Variants in MACROH2A2 observed in about 807,000 individuals in gnomAD.
MACROH2A2 encodes macroH2A.2 histone.
Under a neutral mutation model 37.6 loss-of-function variants are expected in MACROH2A2, and 6 were observed. The observed-to-expected ratio is 0.16, with a 90% CI of 0.09 to 0.32. MACROH2A2 has a LOEUF of 0.32. MACROH2A2 is among the 10% of genes least tolerant of loss of function. The probability of loss-of-function intolerance (pLI) is 1.00; values close to 1 mark genes in which losing one functional copy is unlikely to be tolerated. For missense variants in MACROH2A2, 290 were observed against 485.9 expected (o/e 0.60, Z 3.79); for synonymous variants, 192 against 202.7 (o/e 0.95, Z 0.45).
At chr10:70,105,162 G>A (rs1012781301) in intron 7 of MACROH2A2, among the ~76,000 whole-genome samples, 1 of 152,248 alleles carries the variant, frequency 6.6e-6, no homozygotes, top group African/African-American at 2.4e-5. Flanking sequence ...GCCAGTGACT[G>A]TGGCAGGAGC....
At position 70,075,389 on chromosome 10, in the gene MACROH2A2, G is replaced by T. The variant is rs1245742989; in HGVS notation, c.-59-211G>T. ...TTTCCTCTTGAGGTCAGGCTGCTTT[G>T]GTGGGGGAGGGATGTTTGTGGGTGG... On this transcript the variant is annotated intron_variant, in intron 1 of 8. Coordinates refer to ENST00000373255, the MANE Select transcript of MACROH2A2 (RefSeq NM_018649.3). The surrounding 1 kb of genome is among the most constrained non-coding windows in gnomAD (Gnocchi z 5.0). Among the ~76,000 whole-genome samples the T allele has an allele frequency of 6.6e-6, 1 of 152,182 alleles. No individual in the cohort carries two copies. The highest frequency in any genetic ancestry group is 1.5e-5 in the Non-Finnish European group (1 of 68,036).
intron 4 of MACROH2A2, among the ~76,000 whole-genome samples, chr10:70,093,441 G>A (rs377175880): frequency 3.3e-5 from 5 of 152,178 alleles, no homozygotes; most frequent in Non-Finnish European, 7.3e-5. Context: ...GCTTGTCGTC[G>A]TGAGCTGCAG....
chr10:70,103,174 T>G (rs890103284), intron 7 of MACROH2A2, among the ~76,000 whole-genome samples: 1 of 152,034 alleles, frequency 6.6e-6, no homozygotes, highest in African/African-American at 2.4e-5. Context: ...CAGGGCCACA[T>G]TGCCCACCGA....
chr10:70,082,218 G>A (rs1041182672), intron 2 of MACROH2A2, among the ~76,000 whole-genome samples: 21 of 152,184 alleles, frequency 1.4e-4, no homozygotes, highest in Admixed American at 8.5e-4. Flanking sequence ...TCGGGAGTTC[G>A]AGACCAGCCT....
At chr10:70,104,401 G>C (rs1431110589) in intron 7 of MACROH2A2, among the ~76,000 whole-genome samples, 1 of 151,616 alleles carries the variant, frequency 6.6e-6, no homozygotes, top group Non-Finnish European at 1.5e-5. Flanking sequence ...ATTTGGCCAG[G>C]CATGGTGGCT....
intron 1 of MACROH2A2, among the ~76,000 whole-genome samples, chr10:70,073,538 T>C (rs895109328): frequency 4.6e-5 from 7 of 152,182 alleles, no homozygotes; most frequent in African/African-American, 1.7e-4. Flanking sequence ...CAAAACGACA[T>C]ATGAAGTATA....
At chr10:70,076,285 A>T (rs1349507979) in intron 2 of MACROH2A2, among the ~76,000 whole-genome samples, 1 of 152,224 alleles carries the variant, frequency 6.6e-6, no homozygotes, top group African/African-American at 2.4e-5. Context: ...CATAAATAAC[A>T]TTTATCGCAT....
intron 2 of MACROH2A2, among the ~76,000 whole-genome samples, chr10:70,086,277 T>C (rs967502341): frequency 9.1e-5 from 13 of 142,380 alleles, no homozygotes; most frequent in Admixed American, 2.9e-4. Flanking sequence ...TGATGTATTA[T>C]CTTTTTCTCT....
chr10:70,058,459 A>G (rs577066377), intron 1 of MACROH2A2, among the ~76,000 whole-genome samples: 10 of 152,286 alleles, frequency 6.6e-5, no homozygotes, highest in Non-Finnish European at 1.2e-4. Flanking sequence ...GTTACAACAC[A>G]TGATCTGGCC....
At chr10:70,104,345 A>G (rs1054759432) in intron 7 of MACROH2A2, among the ~76,000 whole-genome samples, 11 of 151,790 alleles carry the variant, frequency 7.2e-5, no homozygotes, top group Non-Finnish European at 1.5e-4. Context: ...TGACCTTGGC[A>G]TCCAGTGGAC....
intron 1 of MACROH2A2, among the ~76,000 whole-genome samples, chr10:70,066,759 T>C (rs543681204): frequency 6.6e-6 from 1 of 152,220 alleles, no homozygotes. Flanking sequence ...TGCGGCACTT[T>C]CATGGTCATT....
chr10:70,091,059 G>T (rs2072242052), intron 3 of MACROH2A2, among the ~76,000 whole-genome samples: 1 of 152,230 alleles, frequency 6.6e-6, no homozygotes, highest in African/African-American at 2.4e-5. Flanking sequence ...GTGCAAGCTT[G>T]TGGAGACCAC....
At position 70,095,741 on chromosome 10, in the gene MACROH2A2, A is replaced by G; in HGVS notation, c.676A>G (p.Lys226Glu). 2 of 1,544,276 alleles carry G rather than the reference A, an allele frequency of 1.3e-6. No homozygotes were observed. Among genetic ancestry groups the G allele is most frequent in the Non-Finnish European group, 9.0e-7 (1 of 1,116,098 alleles). The change falls in exon 6 of 9, where the codon AAA (lysine) becomes GAA (glutamate). Residue 226 changes from lysine to glutamate, a missense_variant. Transcript: ENST00000373255. ...VHPTTAEIDLKEDIGKALEKA... is the reference protein window; with the variant it reads ...VHPTTAEIDLEEDIGKALEKA... The stretch of plus-strand genomic sequence containing the variant: ...CCCAACCACAGCCGAAATTGACCTC[A>G]AAGAAGATATAGGTAAGGTCCTGAG...
At position 70,102,174 on chromosome 10, in the gene MACROH2A2, G is replaced by A. The variant is rs184246265; in HGVS notation, c.778+1877G>A. Among the ~76,000 whole-genome samples the A allele has an allele frequency of 2.0e-3, 310 of 152,352 alleles. 3 individuals carry two copies. Among genetic ancestry groups the A allele is most frequent in the South Asian group, 8.1e-3 (39 of 4,830 alleles). On this transcript the variant is annotated intron_variant, in intron 7 of 8. Transcript: ENST00000373255. Reference sequence around the variant, plus strand: ...AGCCACGACCTCAGCGTAGGGGAGCGTGGGAGGACTGCAGTGAGGCTGTGA... The same window carrying A: ...AGCCACGACCTCAGCGTAGGGGAGCATGGGAGGACTGCAGTGAGGCTGTGA...
At chr10:70,071,987 T>C (rs1459501147) in intron 1 of MACROH2A2, among the ~76,000 whole-genome samples, 1 of 152,204 alleles carries the variant, frequency 6.6e-6, no homozygotes, top group Non-Finnish European at 1.5e-5. Context: ...AATATTTTCC[T>C]TAATAATAAA....
intron 1 of MACROH2A2, among the ~76,000 whole-genome samples, chr10:70,058,954 G>A (rs1159807192): frequency 6.6e-6 from 1 of 151,398 alleles, no homozygotes; most frequent in African/African-American, 2.4e-5. Flanking sequence ...CACCTCAGCT[G>A]TTCCATAGTA....
At chr10:70,096,320 A>G (rs573949943) in intron 6 of MACROH2A2, among the ~76,000 whole-genome samples, 2 of 152,314 alleles carry the variant, frequency 1.3e-5, no homozygotes, top group Admixed American at 6.5e-5. Context: ...TTATTGATCT[A>G]TTCTACCACT....
chr10:70,074,034 A>G (rs1202238034), intron 1 of MACROH2A2, among the ~76,000 whole-genome samples: 1 of 152,112 alleles, frequency 6.6e-6, no homozygotes. Context: ...AGAAAATGTC[A>G]TTTTCCTTTT....
At chr10:70,062,125 T>C in intron 1 of MACROH2A2, among the ~76,000 whole-genome samples, 1 of 152,200 alleles carries the variant, frequency 6.6e-6, no homozygotes, top group Non-Finnish European at 1.5e-5. Flanking sequence ...TCAAACTCTA[T>C]TAGGTGGGAA....
Sources: allele counts gnomAD v4.1 joint callset (sites outside exome capture counted in the v4.1 genomes callset), GRCh38; gene constraint gnomAD v4.1.1; non-coding constraint Gnocchi (gnomAD v3.1); transcripts MANE v1.5; gene names NCBI Gene and HGNC (gene_info 2026-07-23, HGNC 2026-07-21).